The following CCR3 variants were observed in gnomAD, a reference collection of about 807,000 sequenced individuals.
The protein encoded by CCR3 is C-C motif chemokine receptor 3, also known as C-C chemokine receptor type 3.
For synonymous variants in CCR3, 203 were observed against 179.2 expected (o/e 1.13, Z -1.06); for missense variants, 419 against 437.5 (o/e 0.96, Z 0.38).
chr3:46,260,420 A>C (rs1473321584), intron 1 of CCR3, among the ~76,000 whole-genome samples: 1 of 152,362 alleles, frequency 6.6e-6, no homozygotes, highest in South Asian at 2.1e-4. Flanking sequence ...TTGTAAAATC[A>C]AAAGCAAGTT....
chr3:46,221,793 C>T (rs1451131920), intron 2 of CCR3, among the ~76,000 whole-genome samples: 1 of 152,180 alleles, frequency 6.6e-6, no homozygotes, highest in Non-Finnish European at 1.5e-5. Context: ...AAAGGATCAT[C>T]CTGTGTTCTT....
chr3:46,263,171 G>C (rs985963217), intron 1 of CCR3, among the ~76,000 whole-genome samples: 1 of 152,172 alleles, frequency 6.6e-6, no homozygotes, highest in South Asian at 2.1e-4. Flanking sequence ...CCCTCAAACT[G>C]AGCAAAACTT....
At chr3:46,223,562 C>T (rs570665600) in intron 2 of CCR3, among the ~76,000 whole-genome samples, 2 of 152,234 alleles carry the variant, frequency 1.3e-5, no homozygotes, top group East Asian at 3.9e-4. Flanking sequence ...TAAGGACTTG[C>T]TGATTAAAGT....
chr3:46,248,115 G>T (rs1006232388), intron 1 of CCR3, among the ~76,000 whole-genome samples: 1 of 152,082 alleles, frequency 6.6e-6, no homozygotes, highest in Non-Finnish European at 1.5e-5. Flanking sequence ...GGGAAATGGG[G>T]TGAATGTCAG....
At chr3:46,243,782 A>T (rs1443736885) in intron 1 of CCR3, among the ~76,000 whole-genome samples, 1 of 152,216 alleles carries the variant, frequency 6.6e-6, no homozygotes, top group Non-Finnish European at 1.5e-5. Context: ...AATAAGAAAA[A>T]AGCAGATCTG....
At chr3:46,245,182 G>A (rs1211096602) in intron 1 of CCR3, among the ~76,000 whole-genome samples, 1 of 151,850 alleles carries the variant, frequency 6.6e-6, no homozygotes. Flanking sequence ...TACCAATTCT[G>A]GGAAATGTTT....
chr3:46,213,018 G>C (rs781646744), intron 2 of CCR3, among the ~76,000 whole-genome samples: 35 of 152,292 alleles, frequency 2.3e-4, no homozygotes, highest in East Asian at 9.6e-4. Flanking sequence ...AAAAGAAAAA[G>C]AAAAGAAATC....
chr3:46,244,593 GC>G (rs751831397), intron 1 of CCR3, among the ~76,000 whole-genome samples: 3 of 152,158 alleles, frequency 2.0e-5, no homozygotes, highest in Non-Finnish European at 4.4e-5. Context: ...CAGTGGGGGA[GC>G]TTTTTGAGCC....
chr3:46,241,275 C>T (rs1447190708), upstream of CCR3, among the ~76,000 whole-genome samples: 3 of 152,084 alleles, frequency 2.0e-5, no homozygotes, highest in Non-Finnish European at 4.4e-5. Flanking sequence ...ACATATCAAA[C>T]GTTTGATAAA....
At chr3:46,220,783 A>G (rs553032267) in intron 2 of CCR3, among the ~76,000 whole-genome samples, 2 of 152,210 alleles carry the variant, frequency 1.3e-5, no homozygotes, top group Non-Finnish European at 2.9e-5. Context: ...GGTCTCACCT[A>G]TAAGTGGAAG....
At position 46,265,865 on chromosome 3, in the gene CCR3, A is replaced by C; in HGVS notation, c.707A>C (p.Lys236Thr). Residue 236 changes from lysine (K) to threonine (T), a missense_variant, in exon 2 of 2, where the codon AAG becomes ACG. By Grantham distance (78) the Lys-to-Thr change is moderately conservative. Transcript: ENST00000395940. Reference sequence around the variant, plus strand: ...AGGTGCCCCAGTAAAAAAAAGTACAAGGCCATCCGGCTCATTTTTGTCATC... The same window carrying C: ...AGGTGCCCCAGTAAAAAAAAGTACACGGCCATCCGGCTCATTTTTGTCATC... Reference protein sequence around the residue: ...LLRCPSKKKYKAIRLIFVIMA... With the variant: ...LLRCPSKKKYTAIRLIFVIMA... The C allele has an allele frequency of 6.2e-7, 1 of 1,614,126 alleles. No individual in the cohort carries two copies. The highest frequency in any genetic ancestry group is 1.1e-5 in the South Asian group (1 of 91,080).
chr3:46,213,074 T>C (rs1417709692), intron 2 of CCR3, among the ~76,000 whole-genome samples: 1 of 152,278 alleles, frequency 6.6e-6, no homozygotes, highest in Non-Finnish European at 1.5e-5. Flanking sequence ...TTGAAATTAC[T>C]CTTTAACAGT....
upstream of CCR3, among the ~76,000 whole-genome samples, chr3:46,238,757 C>A (rs1046337280): frequency 1.3e-5 from 2 of 152,040 alleles, no homozygotes; most frequent in South Asian, 2.1e-4. Context: ...AGTGGGGGGA[C>A]CTGAGGGACC....
chr3:46,264,361 A>T, intron 1 of CCR3: 1 of 1,331,220 alleles, frequency 7.5e-7, no homozygotes. Context: ...CATGTGTAAC[A>T]GACAAAATGT....
At position 46,225,278 on chromosome 3, in the gene CCR3, G is replaced by C. The variant is rs372471675; in HGVS notation, c.-68+14371G>C. Reference sequence around the variant, plus strand: ...GGTTCTAGTAATGTCTTGACTGGTGGTTACATGGGTATGTGCACATGCAAA... The same window carrying C: ...GGTTCTAGTAATGTCTTGACTGGTGCTTACATGGGTATGTGCACATGCAAA... On this transcript the variant is annotated intron_variant, in intron 2 of 3. Transcript: ENST00000357422. 9.8e-5 allele frequency among the ~76,000 whole-genome samples: 15 copies of C among 152,312 alleles called. No individual in the cohort carries two copies. In the East Asian group the frequency reaches 2.3e-3, roughly 23 times the overall value.
At chr3:46,264,723 T>C in intron 1 of CCR3, 1 of 423,288 alleles carries the variant, frequency 2.4e-6, no homozygotes, top group South Asian at 3.2e-5. Context: ...ATTTTGCTTT[T>C]AAATGGATAA....
At chr3:46,216,875 C>T (rs1422524153) in intron 2 of CCR3, among the ~76,000 whole-genome samples, 1 of 151,962 alleles carries the variant, frequency 6.6e-6, no homozygotes, top group Non-Finnish European at 1.5e-5. Context: ...GAAATAAAAC[C>T]TCAAAATATA....
At chr3:46,237,478 T>C (rs1486770026), upstream of CCR3, among the ~76,000 whole-genome samples, 1 of 152,238 alleles carries the variant, frequency 6.6e-6, no homozygotes, top group East Asian at 1.9e-4. Flanking sequence ...TTGTTGCCTG[T>C]GCATTTGAAG....
chr3:46,260,989 T>C (rs888018971), intron 1 of CCR3, among the ~76,000 whole-genome samples: 2 of 152,130 alleles, frequency 1.3e-5, no homozygotes, highest in Admixed American at 1.3e-4. Flanking sequence ...TAAGATTCTC[T>C]CTCTCATTCT....
Sources: gnomAD v4.1 joint callset for allele counts (sites outside exome capture counted in the v4.1 genomes callset) on GRCh38, gnomAD v4.1.1 for gene constraint, MANE v1.5 for transcripts, NCBI Gene and HGNC (gene_info 2026-07-23, HGNC 2026-07-21) for gene names.